SLC17A1: variants seen among roughly 807,000 people sequenced by gnomAD.
SLC17A1 encodes the protein solute carrier family 17 member 1, also known as sodium-dependent phosphate transport protein 1.
A neutral mutation model predicts 53.5 loss-of-function variants in SLC17A1; 51 were observed. The ratio of observed to expected loss-of-function variants is 0.95; its 90% CI spans 0.76 to 1.20. SLC17A1 has a LOEUF of 1.20. Ranked by LOEUF, SLC17A1 falls within the 50% of genes most tolerant of loss-of-function variation. The pLI is 0.00. For synonymous variants in SLC17A1, 179 were observed against 198.8 expected, an observed-to-expected ratio of 0.90 and a Z score of 0.84; for missense variants, 538 against 568.2, an observed-to-expected ratio of 0.95 and a Z score of 0.54.
At chr6:25,726,908 T>C in the SLC17A1 span, 1 of 1,610,354 alleles carries the variant, frequency 6.2e-7, no homozygotes, top group Non-Finnish European at 8.5e-7. Flanking sequence ...GTGTGGTAGC[T>C]ATGCCGGAGG....
the SLC17A1 span, chr6:25,776,504 A>G: frequency 1.8e-5 from 26 of 1,474,088 alleles, no homozygotes; most frequent in Non-Finnish European, 2.4e-5. Flanking sequence ...TATAAAGAAA[A>G]GCCACAAATG....
chr6:25,821,696 T>C (rs895343994), intron 3 of SLC17A1, among the ~76,000 whole-genome samples: 1 of 152,134 alleles, frequency 6.6e-6, no homozygotes, highest in Non-Finnish European at 1.5e-5. Flanking sequence ...CCAGAATTGG[T>C]TTAAATCCCC....
Position 25,812,895 on chromosome 6 carries a change from T to C in SLC17A1, c.833A>G (p.His278Arg), listed in dbSNP as rs761550058. ...TGGAGTGTATAGTGTCATGATGTTA[T>C]GTGACCAGAAAAACGTAAAACTACC... ...STGSFTFFWS[H>R]NIMTLYTPMF... Residue 278 changes from histidine (H) to arginine (R), a missense_variant, in exon 8 of 13, where the codon CAT becomes CGT. His to Arg is a conservative substitution (Grantham distance 29, BLOSUM62 0). Transcript: ENST00000244527. The C allele has an allele frequency of 1.9e-6, 3 of 1,613,516 alleles. No individual in the cohort carries two copies. Among genetic ancestry groups the C allele is most frequent in the South Asian group, 2.2e-5 (2 of 91,068 alleles).
the SLC17A1 span, among the ~76,000 whole-genome samples, chr6:25,729,592 C>G: frequency 2.0e-5 from 3 of 152,194 alleles, no homozygotes; most frequent in South Asian, 6.2e-4. Flanking sequence ...TGGGTGTGAA[C>G]TGATCATCTA....
chr6:25,811,407 A>G lies in SLC17A1; in HGVS notation c.1169T>C (p.Ile390Thr). 6.2e-7 allele frequency: 1 copy of G among 1,611,294 alleles called. No individual in the cohort carries two copies. The change falls in exon 10 of 13, where the codon ATT (isoleucine) becomes ACT (threonine). Residue 390 changes from isoleucine to threonine, a missense_variant. By Grantham distance (89) the Ile-to-Thr change is moderately conservative. Coordinates refer to ENST00000244527, the MANE Select transcript of SLC17A1 (RefSeq NM_005074.5). ...LGGVFINGLDIAPRYFGFIKA... is the reference protein window; with the variant it reads ...LGGVFINGLDTAPRYFGFIKA... Reference sequence around the variant, plus strand: ...TATAAACAAATCCTACCTGGGAGCAATATCCAAGCCATTTATAAACACTCC... The same window carrying G: ...TATAAACAAATCCTACCTGGGAGCAGTATCCAAGCCATTTATAAACACTCC...
At chr6:25,801,943 T>C (rs139755709) in intron 10 of SLC17A1, among the ~76,000 whole-genome samples, 3 of 151,990 alleles carry the variant, frequency 2.0e-5, no homozygotes, top group Non-Finnish European at 4.4e-5. Context: ...AAGAAGTACA[T>C]TTATGGTTAT....
chr6:25,772,263 T>C, the SLC17A1 span, among the ~76,000 whole-genome samples: 1 of 152,192 alleles, frequency 6.6e-6, no homozygotes, highest in East Asian at 1.9e-4. Flanking sequence ...AGAAACTCAC[T>C]AAATATTTGT....
At chr6:25,829,877 A>G (rs537710605) in intron 2 of SLC17A1, among the ~76,000 whole-genome samples, 1 of 152,246 alleles carries the variant, frequency 6.6e-6, no homozygotes, top group East Asian at 1.9e-4. Context: ...AGAAAAAAAC[A>G]TATATATATA....
At chr6:25,786,657 A>G (rs931152133) in intron 12 of SLC17A1, among the ~76,000 whole-genome samples, 10 of 152,190 alleles carry the variant, frequency 6.6e-5, no homozygotes, top group African/African-American at 2.2e-4. Context: ...CATGAAGAAA[A>G]GGGTCTGCTT....
chr6:25,735,177 G>A, the SLC17A1 span, among the ~76,000 whole-genome samples: 1 of 152,190 alleles, frequency 6.6e-6, no homozygotes, highest in Non-Finnish European at 1.5e-5. Context: ...CATTTTTGGT[G>A]AGTGTTGGCT....
intron 6 of SLC17A1, among the ~76,000 whole-genome samples, chr6:25,815,089 T>TA (rs549519729): frequency 2.6e-5 from 3 of 115,150 alleles, no homozygotes; most frequent in Admixed American, 8.3e-5. Flanking sequence ...ATACATGTAA[T>TA]AAAAAAAATC....
the SLC17A1 span, among the ~76,000 whole-genome samples, chr6:25,750,470 C>A: frequency 4.0e-5 from 6 of 151,898 alleles, no homozygotes; most frequent in Non-Finnish European, 8.8e-5. Flanking sequence ...TTCTCAACTC[C>A]CAACAGTTAA....
chr6:25,749,193 G>A, the SLC17A1 span, among the ~76,000 whole-genome samples: 1 of 152,210 alleles, frequency 6.6e-6, no homozygotes, highest in Admixed American at 6.5e-5. Context: ...TTTCCGCAGT[G>A]CATTGTGCCC....
At chr6:25,759,212 C>T in the SLC17A1 span, among the ~76,000 whole-genome samples, 1 of 152,014 alleles carries the variant, frequency 6.6e-6, no homozygotes, top group African/African-American at 2.4e-5. Flanking sequence ...TGTTTTGTGG[C>T]CTATCATATG....
chr6:25,770,329 GA>G, the SLC17A1 span: 12 of 1,613,646 alleles, frequency 7.4e-6, no homozygotes, highest in Admixed American at 1.5e-4. Flanking sequence ...GGTATAAGTG[GA>G]ATATAGGTTC....
At chr6:25,740,599 T>C in the SLC17A1 span, among the ~76,000 whole-genome samples, 42,220 of 152,094 alleles carry the variant, frequency 0.28, 6,254 homozygotes, top group African/African-American at 0.36. Context: ...ACTTTACTGA[T>C]GAGCTCCTTT....
At chr6:25,754,440 T>G in the SLC17A1 span, among the ~76,000 whole-genome samples, 1 of 152,094 alleles carries the variant, frequency 6.6e-6, no homozygotes, top group Non-Finnish European at 1.5e-5. Flanking sequence ...TTATAATAAC[T>G]CTGAGAGACC....
chr6:25,825,993 T>C (rs1764726519), intron 3 of SLC17A1, among the ~76,000 whole-genome samples: 1 of 152,108 alleles, frequency 6.6e-6, no homozygotes, highest in Admixed American at 6.6e-5. Context: ...ATTCTTTTTA[T>C]AGTTTCCATC....
the SLC17A1 span, among the ~76,000 whole-genome samples, chr6:25,727,447 A>T: frequency 1.4e-5 from 2 of 147,868 alleles, no homozygotes; most frequent in African/African-American, 2.5e-5. Context: ...GCTGGAGTGC[A>T]GTGGCGGAAT....
Sources: allele counts gnomAD v4.1 joint callset (sites outside exome capture counted in the v4.1 genomes callset), GRCh38; gene constraint gnomAD v4.1.1; transcripts MANE v1.5; gene names NCBI Gene and HGNC (gene_info 2026-07-23, HGNC 2026-07-21).